The following OSBPL10 variants were observed in gnomAD, a reference collection of about 807,000 sequenced individuals.
The protein encoded by OSBPL10 is oxysterol binding protein like 10.
Under a neutral mutation model 81.7 loss-of-function variants are expected in OSBPL10, and 49 were observed. The observed-to-expected ratio is 0.60, with a 90% CI of 0.48 to 0.76. OSBPL10 has a LOEUF of 0.76. OSBPL10 is among the 30% of genes least tolerant of loss of function. OSBPL10 has a pLI of 0.00. For synonymous variants in OSBPL10, 419 were observed against 383.6 expected, an observed-to-expected ratio of 1.09 and a Z score of -1.08; for missense variants, 923 against 987.8, an observed-to-expected ratio of 0.93 and a Z score of 0.88.
chr3:31,943,125 CTTAT>C lies in OSBPL10; in HGVS notation c.281+37770_281+37773del, dbSNP rs747000232. On this transcript the variant is annotated intron_variant, in intron 1 of 11. Coordinates refer to ENST00000396556, the MANE Select transcript of OSBPL10 (RefSeq NM_017784.5). ...ACAATATTTGTCCTTTTGTAACTGG[CTTAT>C]TTGACTTCTTAGCATAATGTTTTCA... Among the ~76,000 whole-genome samples, 7 of 152,298 alleles carry C rather than the reference CTTAT, an allele frequency of 4.6e-5. No homozygotes were observed. The South Asian group carries it at 6.2e-4, about 14-fold the overall frequency.
chr3:32,008,177 ATT>A (rs58417694), intron 2 of OSBPL10, among the ~76,000 whole-genome samples: 8 of 142,410 alleles, frequency 5.6e-5, no homozygotes, highest in Non-Finnish European at 6.2e-5. Flanking sequence ...TGTTTTTATC[ATT>A]TTTTTTTTTT....
chr3:31,774,182 A>C (rs74280793), intron 4 of OSBPL10, among the ~76,000 whole-genome samples: 20 of 149,322 alleles, frequency 1.3e-4, no homozygotes, highest in East Asian at 7.7e-4. Context: ...AAAAAAAAGA[A>C]AGACAGACTG....
At chr3:31,731,536 T>C (rs927876463) in intron 6 of OSBPL10, among the ~76,000 whole-genome samples, 4 of 151,758 alleles carry the variant, frequency 2.6e-5, no homozygotes, top group Non-Finnish European at 5.9e-5. Context: ...TTGCCCAGGC[T>C]GGAGTGCAAT....
chr3:31,805,012 C>G (rs1402820301), intron 4 of OSBPL10, among the ~76,000 whole-genome samples: 1 of 152,152 alleles, frequency 6.6e-6, no homozygotes, highest in East Asian at 1.9e-4. Flanking sequence ...TTTTCAAAAT[C>G]ATTGACAAAA....
chr3:31,939,135 T>A (rs1412888895), intron 1 of OSBPL10, among the ~76,000 whole-genome samples: 1 of 135,482 alleles, frequency 7.4e-6, no homozygotes. Flanking sequence ...GTGCCAAGAC[T>A]CTCTCATCCT....
intron 7 of OSBPL10, among the ~76,000 whole-genome samples, chr3:31,698,342 T>C (rs1293952705): frequency 6.6e-6 from 1 of 151,812 alleles, no homozygotes; most frequent in Admixed American, 6.6e-5. Flanking sequence ...TCGCAGCTAT[T>C]TGGGAGGCTG....
chr3:31,890,497 G>A (rs1490619324), intron 1 of OSBPL10, among the ~76,000 whole-genome samples: 1 of 152,012 alleles, frequency 6.6e-6, no homozygotes, highest in Non-Finnish European at 1.5e-5. Context: ...GGCTCCAGGG[G>A]CCAGGCTGAG....
intron 4 of OSBPL10, among the ~76,000 whole-genome samples, chr3:31,809,869 CTTT>C (rs34795137): frequency 6.1e-5 from 6 of 98,634 alleles, no homozygotes; most frequent in Non-Finnish European, 9.1e-5. Flanking sequence ...CCCCCTGACT[CTTT>C]TTTTTTTTTT....
chr3:31,714,089 GAT>G (rs1375995725), intron 6 of OSBPL10: 5 of 152,216 alleles, frequency 3.3e-5, no homozygotes, highest in African/African-American at 1.2e-4. Flanking sequence ...AGTAAGCAAC[GAT>G]ATGATTGCAC....
intron 1 of OSBPL10, among the ~76,000 whole-genome samples, chr3:31,915,089 G>T (rs910036976): frequency 6.6e-6 from 1 of 152,076 alleles, no homozygotes; most frequent in African/African-American, 2.4e-5. Flanking sequence ...GGTATTACAG[G>T]TGTGAACCAC....
intron 8 of OSBPL10, among the ~76,000 whole-genome samples, chr3:31,678,620 G>T (rs1575470157): frequency 1.3e-5 from 2 of 152,156 alleles, no homozygotes; most frequent in African/African-American, 4.8e-5. Flanking sequence ...AGAATTAGGG[G>T]CTCACAGACT....
chr3:32,064,860 TG>T (rs1357159135), intron 1 of OSBPL10: 1 of 93,508 alleles, frequency 1.1e-5, no homozygotes, highest in Non-Finnish European at 2.9e-5. Context: ...GATACATGTG[TG>T]TTTTTTTGTT....
chr3:31,775,153 C>A (rs1390269527), intron 4 of OSBPL10, among the ~76,000 whole-genome samples: 2 of 151,956 alleles, frequency 1.3e-5, no homozygotes, highest in Non-Finnish European at 2.9e-5. Context: ...GCCTGGGTGA[C>A]AGAGTGAGAC....
In OSBPL10 at chr3:31,812,096, C is replaced by T. The variant is rs373257699; in HGVS notation, c.729+17944G>A. The stretch of plus-strand genomic sequence containing the variant: ...AGGCTGGAGTGCAGTGTCGCGATCT[C>T]GGCTCACTGCAACCTCCGCCTGCCT... On this transcript the variant is annotated intron_variant, in intron 4 of 11. Transcript: ENST00000396556. Among the ~76,000 whole-genome samples the T allele has an allele frequency of 4.0e-3, 613 of 152,272 alleles. 12 individuals are homozygous for T. The highest frequency in any genetic ancestry group is 0.037 in the South Asian group (177 of 4,818).
intron 6 of OSBPL10, chr3:31,714,038 G>T (rs922699261): frequency 5.9e-5 from 9 of 152,182 alleles, no homozygotes; most frequent in African/African-American, 1.9e-4. Context: ...TGAGGAGGCT[G>T]GGTAACAGAA....
In OSBPL10 at chr3:31,662,027, C is replaced by A; in HGVS notation, c.*45G>T. ...CTGATACTCTACTACTTTAATATTC[C>A]TACAAAAACAGGGCTATACTGGAAA... On this transcript the variant is annotated 3_prime_UTR_variant, in exon 12 of 12. Coordinates refer to ENST00000396556, the MANE Select transcript of OSBPL10 (RefSeq NM_017784.5). The A allele has an allele frequency of 6.2e-7, 1 of 1,604,904 alleles. No homozygotes were observed. The highest frequency in any genetic ancestry group is 2.2e-5 in the East Asian group (1 of 44,570).
At chr3:31,953,620 G>C (rs1559530579) in intron 1 of OSBPL10, among the ~76,000 whole-genome samples, 4 of 151,948 alleles carry the variant, frequency 2.6e-5, no homozygotes. Context: ...TTCCCAGGCT[G>C]ATCTCAAGCT....
intron 2 of OSBPL10, among the ~76,000 whole-genome samples, chr3:32,024,545 C>T (rs996585640): frequency 6.1e-5 from 8 of 130,494 alleles, no homozygotes; most frequent in Non-Finnish European, 1.1e-4. Context: ...GGCTGGAGTG[C>T]GATGGCATGA....
intron 2 of OSBPL10, among the ~76,000 whole-genome samples, chr3:31,995,168 A>G (rs1313301423): frequency 6.6e-6 from 1 of 152,182 alleles, no homozygotes; most frequent in Admixed American, 6.5e-5. Context: ...AAACATCTTA[A>G]CAGAAAACAG....
Sources: gnomAD v4.1 joint callset for allele counts (sites outside exome capture counted in the v4.1 genomes callset) on GRCh38, gnomAD v4.1.1 for gene constraint, MANE v1.5 for transcripts, NCBI Gene and HGNC (gene_info 2026-07-23, HGNC 2026-07-21) for gene names.